SAMD5: variants seen among roughly 807,000 people sequenced by gnomAD.
SAMD5 encodes sterile alpha motif domain containing 5.
In SAMD5, 13 loss-of-function variants were observed where a neutral mutation model predicts 11.3. The ratio of observed to expected loss-of-function variants is 1.15; its 90% confidence interval spans 0.75 to 1.83. The LOEUF (loss-of-function observed/expected upper bound fraction) is 1.83, where lower values mean the gene tolerates loss of function less well. Among genes scored for constraint, SAMD5 ranks in the 40% most tolerant of loss-of-function variants. SAMD5 has a pLI of 0.00. For synonymous variants in SAMD5, 129 were observed against 111.3 expected, an observed-to-expected ratio of 1.16 and a Z score of -1.00; for missense variants, 255 against 239.1, an observed-to-expected ratio of 1.07 and a Z score of -0.44.
chr6:147,819,015 G>T, the SAMD5 span, among the ~76,000 whole-genome samples: 1 of 152,084 alleles, frequency 6.6e-6, no homozygotes, highest in African/African-American at 2.4e-5. Context: ...CTACCATAAA[G>T]ACACATGCAT....
chr6:147,781,947 A>T, the SAMD5 span, among the ~76,000 whole-genome samples: 10 of 152,056 alleles, frequency 6.6e-5, no homozygotes, highest in African/African-American at 2.2e-4. Context: ...GTCATTTTTA[A>T]GAATCTATCA....
At position 147,656,311 on chromosome 6, in the gene SAMD5, A is replaced by T. The variant is rs373992040; in HGVS notation, c.163-81006A>T. Among the ~76,000 whole-genome samples, 3 of 152,272 alleles carry T rather than the reference A, an allele frequency of 2.0e-5. No homozygotes were observed. The East Asian group carries it at 5.8e-4, about 29-fold the overall frequency. On this transcript the variant is annotated intron_variant, in intron 1 of 1. Transcript: ENST00000566741. The stretch of plus-strand genomic sequence containing the variant: ...TTCTACTCTTTAAAAATCCCTATAC[A>T]ACAAAGCAAAAGATAAATGTGGCTC...
intron 1 of SAMD5, among the ~76,000 whole-genome samples, chr6:147,670,417 C>A (rs1272304533): frequency 6.6e-6 from 1 of 152,208 alleles, no homozygotes; most frequent in Non-Finnish European, 1.5e-5. Flanking sequence ...AAGCTTTGAA[C>A]TCAGACATTG....
intron 1 of SAMD5, among the ~76,000 whole-genome samples, chr6:147,722,749 A>G (rs1791573489): frequency 6.6e-6 from 1 of 152,134 alleles, no homozygotes; most frequent in Non-Finnish European, 1.5e-5. Flanking sequence ...ATTGAATGTC[A>G]GACACTGTGT....
the SAMD5 span, among the ~76,000 whole-genome samples, chr6:147,810,621 T>C: frequency 6.6e-6 from 1 of 152,330 alleles, no homozygotes; most frequent in South Asian, 2.1e-4. Flanking sequence ...ACTTTCCTCC[T>C]TGGCCTTTTA....
chr6:147,932,575 A>C, the SAMD5 span, among the ~76,000 whole-genome samples: 139 of 147,996 alleles, frequency 9.4e-4, no homozygotes, highest in African/African-American at 3.3e-3. Context: ...GAGCTGTGTC[A>C]GGTCTTACAG....
At chr6:147,854,759 G>A in the SAMD5 span, among the ~76,000 whole-genome samples, 1 of 151,976 alleles carries the variant, frequency 6.6e-6, no homozygotes, top group Non-Finnish European at 1.5e-5. Context: ...AAGCAGAAAA[G>A]AATTAAAACA....
At chr6:147,870,480 G>A in the SAMD5 span, among the ~76,000 whole-genome samples, 49,813 of 134,904 alleles carry the variant, frequency 0.37, 9,366 homozygotes, top group Middle Eastern at 0.47. Context: ...GTGTGTGTGT[G>A]TGTATATATA....
intron 1 of SAMD5, among the ~76,000 whole-genome samples, chr6:147,734,931 G>T (rs565669340): frequency 1.3e-5 from 2 of 152,080 alleles, no homozygotes; most frequent in South Asian, 4.1e-4. Context: ...ATTCCATCAT[G>T]ACTTGATATT....
At chr6:147,915,862 A>G in the SAMD5 span, among the ~76,000 whole-genome samples, 6 of 151,100 alleles carry the variant, frequency 4.0e-5, no homozygotes, top group Non-Finnish European at 5.9e-5. Context: ...TTAACTCGTT[A>G]TTTACATTAG....
At chr6:147,739,976 C>T (rs1394464208), downstream of SAMD5, among the ~76,000 whole-genome samples, 6 of 152,146 alleles carry the variant, frequency 3.9e-5, no homozygotes, top group East Asian at 3.9e-4. Context: ...CATGCCACCA[C>T]GCCCGGCCAA....
chr6:147,552,249 A>G (rs777631636), intron 1 of SAMD5, among the ~76,000 whole-genome samples: 1 of 152,206 alleles, frequency 6.6e-6, no homozygotes, highest in Non-Finnish European at 1.5e-5. Context: ...AGCTATTCTG[A>G]GAGAAGACAT....
Position 147,566,706 on chromosome 6 carries a change from CA to C in SAMD5, c.*2257del, listed in dbSNP as rs1037106373. The stretch of plus-strand genomic sequence containing the variant: ...TGCTTAAAGTAAGAGTCACAGTCAG[CA>C]AAAAAAGCCAATGGATTTTAAAAAG... On this transcript the variant is annotated 3_prime_UTR_variant, in exon 2 of 2. Coordinates refer to ENST00000367474, the MANE Select transcript of SAMD5 (RefSeq NM_001030060.3). 23 of 984,580 alleles carry C rather than the reference CA, an allele frequency of 2.3e-5. No homozygotes were observed. Among genetic ancestry groups the C allele is most frequent in the Non-Finnish European group, 2.5e-5 (21 of 829,482 alleles). 61.0% of individuals were successfully genotyped at this position (984,580 alleles called of 1,614,324 possible). A position where few individuals can be genotyped will look rare whatever the true frequency, so the allele number is the denominator to read the frequency against.
chr6:147,679,363 A>G (rs1790908452), intron 1 of SAMD5, among the ~76,000 whole-genome samples: 1 of 152,124 alleles, frequency 6.6e-6, no homozygotes, highest in Non-Finnish European at 1.5e-5. Context: ...AGTTTGTAGT[A>G]GAATGTCATT....
the SAMD5 span, among the ~76,000 whole-genome samples, chr6:147,811,521 G>A: frequency 3.9e-5 from 6 of 152,118 alleles, no homozygotes; most frequent in African/African-American, 1.4e-4. Flanking sequence ...TTTTTCTGCC[G>A]TGCATATGCA....
the SAMD5 span, among the ~76,000 whole-genome samples, chr6:147,886,912 T>C: frequency 6.6e-6 from 1 of 152,168 alleles, no homozygotes; most frequent in Non-Finnish European, 1.5e-5. Context: ...ATAACTTTAG[T>C]GAGCTTGGAA....
the SAMD5 span, among the ~76,000 whole-genome samples, chr6:147,805,715 A>G: frequency 6.6e-6 from 1 of 152,184 alleles, no homozygotes; most frequent in African/African-American, 2.4e-5. Context: ...TAAAAGCTAC[A>G]GTGCCTCAGA....
At chr6:147,626,134 G>C (rs6911994) in intron 1 of SAMD5, among the ~76,000 whole-genome samples, 72,099 of 151,752 alleles carry the variant, frequency 0.48, 17,609 homozygotes, top group Middle Eastern at 0.56. Flanking sequence ...TGATATGATG[G>C]GTGGAGTTGC....
At chr6:147,519,497 T>A (rs1419485304) in intron 1 of SAMD5, among the ~76,000 whole-genome samples, 1 of 152,256 alleles carries the variant, frequency 6.6e-6, no homozygotes, top group Non-Finnish European at 1.5e-5. Context: ...GTTTGTATTG[T>A]TTCACTGTTT....
Sources: allele counts gnomAD v4.1 joint callset (sites outside exome capture counted in the v4.1 genomes callset), GRCh38; gene constraint gnomAD v4.1.1; transcripts MANE v1.5; gene names NCBI Gene and HGNC (gene_info 2026-07-23, HGNC 2026-07-21).